The following SAMD4A variants were observed in gnomAD, a reference collection of about 807,000 sequenced individuals.
The protein encoded by SAMD4A is sterile alpha motif domain containing 4A, also known as protein Smaug homolog 1.
Under a neutral mutation model 81.3 loss-of-function variants are expected in SAMD4A, and 33 were observed. That is an observed-to-expected ratio of 0.41 (90% CI 0.31 to 0.54). SAMD4A has a LOEUF of 0.54. Ranked by LOEUF, SAMD4A falls within the 20% of genes least tolerant of loss-of-function variation. The pLI, the probability that SAMD4A is intolerant of heterozygous loss-of-function variation, is 0.37. For missense variants in SAMD4A, 854 were observed against 951.1 expected (o/e 0.90, Z 1.34); for synonymous variants, 389 against 382.1 (o/e 1.02, Z -0.21).
At chr14:54,616,069 A>T (rs1320916409) in intron 2 of SAMD4A, among the ~76,000 whole-genome samples, 1 of 152,222 alleles carries the variant, frequency 6.6e-6, no homozygotes. Flanking sequence ...CTATAAAATC[A>T]CACACTATTT....
chr14:54,767,250 G>A (rs900929290), intron 8 of SAMD4A, among the ~76,000 whole-genome samples: 5 of 152,200 alleles, frequency 3.3e-5, no homozygotes, highest in Admixed American at 2.6e-4. Flanking sequence ...CATCCTGGAA[G>A]AAGTTTCACC....
At chr14:54,750,918 A>G (rs755172879) in intron 5 of SAMD4A, among the ~76,000 whole-genome samples, 79 of 152,376 alleles carry the variant, frequency 5.2e-4, no homozygotes, top group Admixed American at 1.6e-3. Context: ...GAATACAGAT[A>G]AAAAGCACAG....
intron 2 of SAMD4A, among the ~76,000 whole-genome samples, chr14:54,633,890 G>A (rs2034965011): frequency 6.6e-6 from 1 of 152,132 alleles, no homozygotes; most frequent in Non-Finnish European, 1.5e-5. Context: ...TTGAGATGGG[G>A]AAGATTGGAA....
At chr14:54,616,072 C>A (rs543311775) in intron 2 of SAMD4A, among the ~76,000 whole-genome samples, 1 of 152,308 alleles carries the variant, frequency 6.6e-6, no homozygotes, top group African/African-American at 2.4e-5. Flanking sequence ...TAAAATCACA[C>A]ACTATTTCTA....
At chr14:54,741,908 G>C (rs1410281391) in intron 4 of SAMD4A, among the ~76,000 whole-genome samples, 1 of 152,200 alleles carries the variant, frequency 6.6e-6, no homozygotes, top group African/African-American at 2.4e-5. Flanking sequence ...AAGAGGTCTG[G>C]AGAGGGAGAA....
At chr14:54,719,663 TG>T (rs1296095882) in intron 3 of SAMD4A, among the ~76,000 whole-genome samples, 6 of 152,184 alleles carry the variant, frequency 3.9e-5, no homozygotes, top group Non-Finnish European at 8.8e-5. Flanking sequence ...AGAGCACACA[TG>T]GTGGCGTGAG....
At position 54,679,456 on chromosome 14, in the gene SAMD4A, A is replaced by C. The variant is rs576236420; in HGVS notation, c.197-22606A>C. On this transcript the variant is annotated intron_variant, in intron 2 of 12. Transcript: ENST00000554335. Reference sequence around the variant, plus strand: ...AATCTGCAACCAAGAACGTGTAAGCATGTTCTCCCCTTTCCAGATGATGCG... The same window carrying C: ...AATCTGCAACCAAGAACGTGTAAGCCTGTTCTCCCCTTTCCAGATGATGCG... 5.3e-5 allele frequency among the ~76,000 whole-genome samples: 8 copies of C among 152,342 alleles called. No individual in the cohort carries two copies. The East Asian group carries it at 7.7e-4, about 15-fold the overall frequency.
In SAMD4A at chr14:54,580,291, GACT is replaced by G. The variant is rs2033426459; in HGVS notation, c.196+12182_196+12184del. Among the ~76,000 whole-genome samples, 2 of 152,126 alleles carry G rather than the reference GACT, an allele frequency of 1.3e-5. 1 individual carries two copies. Among genetic ancestry groups the G allele is most frequent in the African/African-American group, 4.8e-5 (2 of 41,422 alleles). ...AGGCTCTATTTACCTGAATTTCAAAGACTACATTCATTAAAATGGTCCCCTCAA... is the reference window on the plus strand; with the variant it reads ...AGGCTCTATTTACCTGAATTTCAAAGACATTCATTAAAATGGTCCCCTCAA... On this transcript the variant is annotated intron_variant, in intron 2 of 12. Coordinates refer to ENST00000554335, the MANE Select transcript of SAMD4A (RefSeq NM_015589.6).
At position 54,567,737 on chromosome 14, in the gene SAMD4A, A is replaced by T. The variant is rs1353744244; in HGVS notation, c.-180A>T. 4.0e-5 allele frequency: 23 copies of T among 581,640 alleles called. No individual in the cohort carries two copies. The highest frequency in any genetic ancestry group is 5.9e-5 in the African/African-American group (3 of 50,730). 36.0% of individuals were successfully genotyped at this position (581,640 alleles called of 1,614,324 possible). A position where few individuals can be genotyped will look rare whatever the true frequency, so the allele number is the denominator to read the frequency against. On this transcript the variant is annotated 5_prime_UTR_variant, in exon 2 of 13. Coordinates refer to ENST00000554335, the MANE Select transcript of SAMD4A (RefSeq NM_015589.6). ...AATCAGCCAGAACCACCGGAACGTA[A>T]CTGAAACCAGACAAGAGAGGCAGGA...
chr14:54,724,007 T>TGGAAGGAAGGAAGAAGGAAGGAAGGAA (rs1555347509), intron 3 of SAMD4A, among the ~76,000 whole-genome samples: 2 of 124,176 alleles, frequency 1.6e-5, no homozygotes, highest in African/African-American at 6.0e-5. Flanking sequence ...GATGGATGGA[T>TGGAAGGAAGGAAGAAGGAAGGAAGGAA]GGAAGGAAGG....
chr14:54,769,058 A>C (rs2038633838), intron 8 of SAMD4A, among the ~76,000 whole-genome samples: 1 of 152,208 alleles, frequency 6.6e-6, no homozygotes, highest in African/African-American at 2.4e-5. Context: ...CCTCCTTGTT[A>C]CTGTGAATCA....
At chr14:54,670,684 T>C (rs2035861730) in intron 2 of SAMD4A, among the ~76,000 whole-genome samples, 1 of 152,242 alleles carries the variant, frequency 6.6e-6, no homozygotes, top group Non-Finnish European at 1.5e-5. Context: ...TGGTAGCTGT[T>C]GTTATTGCTG....
At position 54,585,659 on chromosome 14, in the gene SAMD4A, G is replaced by T. The variant is rs193247052; in HGVS notation, c.196+17547G>T. 3.9e-5 allele frequency among the ~76,000 whole-genome samples: 6 copies of T among 151,948 alleles called. No individual in the cohort carries two copies. In the South Asian group the frequency reaches 1.0e-3, roughly 26 times the overall value. On this transcript the variant is annotated intron_variant, in intron 2 of 12. Coordinates refer to ENST00000554335, the MANE Select transcript of SAMD4A (RefSeq NM_015589.6). Reference sequence around the variant, plus strand: ...TCTTATGTCTTTGCATTCACATAGCGTAACTCCCACATATGAGTGAGAACA... The same window carrying T: ...TCTTATGTCTTTGCATTCACATAGCTTAACTCCCACATATGAGTGAGAACA...
Position 54,702,064 on chromosome 14 carries a change from A to G in SAMD4A, c.199A>G (p.Ile67Val), listed in dbSNP as rs1378108916. The part of the protein sequence containing the change: ...VLEREANSPG[I>V]INQWQQESKD... ...GCCGTGTATATTTCCCTTTTCAGGAATCATTAACCAATGGCAACAGGAATC... is the reference window on the plus strand; with the variant it reads ...GCCGTGTATATTTCCCTTTTCAGGAGTCATTAACCAATGGCAACAGGAATC... The change falls in exon 3 of 13, where the codon ATC becomes GTC. Residue 67 changes from isoleucine to valine, a missense_variant and splice_region_variant. Around this residue, in one of 3 missense-constraint regions of SAMD4A, gnomAD observed 387 missense variants for 405.8 expected, o/e 0.95. Coordinates refer to ENST00000554335, the MANE Select transcript of SAMD4A (RefSeq NM_015589.6). 2 of 1,613,460 alleles carry G rather than the reference A, an allele frequency of 1.2e-6. No homozygotes were observed. The highest frequency in any genetic ancestry group is 1.7e-5 in the Admixed American group (1 of 59,974).
At chr14:54,672,399 G>A (rs560551032) in intron 2 of SAMD4A, among the ~76,000 whole-genome samples, 30 of 152,048 alleles carry the variant, frequency 2.0e-4, no homozygotes, top group Non-Finnish European at 3.8e-4. Context: ...ATCTGCAGAC[G>A]TCTCACTTTG....
intron 2 of SAMD4A, among the ~76,000 whole-genome samples, chr14:54,661,885 T>C (rs1454035103): frequency 6.6e-6 from 1 of 152,050 alleles, no homozygotes; most frequent in Non-Finnish European, 1.5e-5. Flanking sequence ...CTCACAGGTG[T>C]GCAGGCTAGG....
chr14:54,658,131 G>A (rs1407140374), intron 2 of SAMD4A, among the ~76,000 whole-genome samples: 4 of 152,074 alleles, frequency 2.6e-5, no homozygotes, highest in African/African-American at 7.2e-5. Context: ...CCAACATGGC[G>A]AAACCCCGTC....
At chr14:54,737,939 C>G (rs17127854) in intron 4 of SAMD4A, among the ~76,000 whole-genome samples, 34,407 of 126,654 alleles carry the variant, frequency 0.27, 4,078 homozygotes, top group South Asian at 0.4. Context: ...CCTCCATTGC[C>G]TTGTGAATCT....
intron 3 of SAMD4A, among the ~76,000 whole-genome samples, chr14:54,728,540 G>GT (rs201045779): frequency 0.01 from 1,500 of 148,836 alleles, 19 homozygotes; most frequent in African/African-American, 0.026. Context: ...TCAAATTCTG[G>GT]TTTTTTTTTT....
Sources: gnomAD v4.1 joint callset for allele counts (sites outside exome capture counted in the v4.1 genomes callset) on GRCh38, gnomAD v4.1.1 for gene constraint, gnomAD v4.1.1 regional missense constraint, MANE v1.5 for transcripts, NCBI Gene and HGNC (gene_info 2026-07-23, HGNC 2026-07-21) for gene names.